Variants in ANKRD13B observed in about 807,000 individuals in gnomAD.
ANKRD13B encodes ankyrin repeat domain 13B.
A neutral mutation model predicts 74.4 loss-of-function variants in ANKRD13B; 33 were observed. That is an observed-to-expected ratio of 0.44 (90% CI 0.34 to 0.59). ANKRD13B has a LOEUF of 0.59. Ranked by LOEUF, ANKRD13B falls within the 20% of genes least tolerant of loss-of-function variation. The pLI is 0.02. For synonymous variants in ANKRD13B, 341 were observed against 362.9 expected (o/e 0.94, Z 0.68); for missense variants, 676 against 877.9 (o/e 0.77, Z 2.91).
chr17:29,613,425 G>A lies in ANKRD13B; in HGVS notation c.1724G>A (p.Gly575Glu). The A allele has an allele frequency of 1.3e-6, 2 of 1,528,372 alleles. No individual in the cohort carries two copies. Among genetic ancestry groups the A allele is most frequent in the African/African-American group, 1.4e-5 (1 of 70,484 alleles). 94.7% of individuals were successfully genotyped at this position (1,528,372 alleles called of 1,614,324 possible). Residue 575 changes from glycine to glutamate, a missense_variant, in exon 15 of 15, where the codon GGG (glycine) becomes GAG (glutamate). Physicochemically the swap from Gly to Glu is moderately conservative, Grantham distance 98 (BLOSUM62 -2). This residue lies in a region of ANKRD13B where 108 missense variants were observed against 90.3 expected (regional missense o/e 1.20). Transcript: ENST00000394859. ...ASVPSPRPSS[G>E]PGSGGHVFRS... ...GTGCCCAGCCCTCGGCCCAGCTCAGGGCCAGGTTCCGGCGGCCACGTGTTC... is the reference window on the plus strand; with the variant it reads ...GTGCCCAGCCCTCGGCCCAGCTCAGAGCCAGGTTCCGGCGGCCACGTGTTC...
At position 29,610,786 on chromosome 17, in the gene ANKRD13B, TG is replaced by T. The variant is rs1468147337; in HGVS notation, c.904+24del. Reference sequence around the variant, plus strand: ...TCAAAGGTAATGAGGCAGAGCTGGATGGGGAGAGGTGTTGCAGGACTGCGGG... The same window carrying T: ...TCAAAGGTAATGAGGCAGAGCTGGATGGGAGAGGTGTTGCAGGACTGCGGG... On this transcript the variant is annotated intron_variant, in intron 8 of 14. Transcript: ENST00000394859. The T allele has an allele frequency of 1.2e-6, 2 of 1,612,356 alleles. No individual in the cohort carries two copies. Among genetic ancestry groups the T allele is most frequent in the South Asian group, 2.2e-5 (2 of 90,806 alleles).
In ANKRD13B at chr17:29,613,551, G is replaced by A. The variant is rs780121647; in HGVS notation, c.1850G>A (p.Arg617His). 3.3e-6 allele frequency: 5 copies of A among 1,512,458 alleles called. No homozygotes were observed. The highest frequency in any genetic ancestry group is 2.1e-5 in the Admixed American group (1 of 48,280). 93.7% of individuals were successfully genotyped at this position (1,512,458 alleles called of 1,614,324 possible). Residue 617 changes from arginine to histidine, a missense_variant, in exon 15 of 15, where the codon CGC becomes CAC. Around this residue, in one of 4 missense-constraint regions of ANKRD13B, gnomAD observed 108 missense variants for 90.3 expected, o/e 1.20. Coordinates refer to ENST00000394859, the MANE Select transcript of ANKRD13B (RefSeq NM_152345.5). ...CGCCAGGAGGAGGAGGAGCTGGAGC[G>A]CATCCTGAGGCTCTCACTGACCGAG... ...RARQEEEELE[R>H]ILRLSLTEQ is the part of the protein sequence containing the mutation.
chr17:29,608,332 G>A lies in ANKRD13B; in HGVS notation c.421+92G>A, dbSNP rs542182466. The A allele has an allele frequency of 1.4e-5, 22 of 1,546,590 alleles. No homozygotes were observed. In the African/African-American group the frequency reaches 1.8e-4, roughly 12 times the overall value. On this transcript the variant is annotated intron_variant, in intron 4 of 14. Transcript: ENST00000394859. This position sits in a 1 kb window ranked among gnomAD's most constrained non-coding sequence, Gnocchi z 6.4. Reference sequence around the variant, plus strand: ...TGGAATGTGTTCTCATAGTTCTTCCGGCGGTTCCCTCTATGCCTTAGCTCA... The same window carrying A: ...TGGAATGTGTTCTCATAGTTCTTCCAGCGGTTCCCTCTATGCCTTAGCTCA...
chr17:29,603,818 T>G (rs2150886483), intron 1 of ANKRD13B, among the ~76,000 whole-genome samples: 1 of 152,160 alleles, frequency 6.6e-6, no homozygotes, highest in East Asian at 1.9e-4. Context: ...ATCTTTATCA[T>G]TTCTGAGTTT....
chr17:29,595,103 T>C (rs1474180165), intron 1 of ANKRD13B, among the ~76,000 whole-genome samples: 2 of 152,168 alleles, frequency 1.3e-5, no homozygotes, highest in African/African-American at 4.8e-5. Flanking sequence ...TCAGACCCTG[T>C]CTTTGTTTAT....
At chr17:29,595,819 G>A (rs763889908) in intron 1 of ANKRD13B, among the ~76,000 whole-genome samples, 1 of 152,108 alleles carries the variant, frequency 6.6e-6, no homozygotes, top group African/African-American at 2.4e-5. Flanking sequence ...TCCCTCAGGC[G>A]TGCCAAAAAG....
In ANKRD13B at chr17:29,596,537, C is replaced by T. The variant is rs186356389; in HGVS notation, c.114+2802C>T. ...GGGAAGGGTTAGCCTGTGCAGCTCC[C>T]GTGGGAGGGACATGTGTGGGCTGGG... On this transcript the variant is annotated intron_variant, in intron 1 of 14. Coordinates refer to ENST00000394859, the MANE Select transcript of ANKRD13B (RefSeq NM_152345.5). Among the ~76,000 whole-genome samples, 270 of 152,322 alleles carry T rather than the reference C, an allele frequency of 1.8e-3. 1 individual carries two copies. The highest frequency in any genetic ancestry group is 5.4e-3 in the African/African-American group (223 of 41,572).
Position 29,612,766 on chromosome 17 carries a change from A to G in ANKRD13B, c.1526A>G (p.Gln509Arg). ...CGGGACGACGACGACGACCTGCTGC[A>G]ATTCGCCATCCAGCAGAGCCTGCTT... is the stretch of plus-strand genomic sequence containing the variant. ...ATRDDDDDLL[Q>R]FAIQQSLLEA... The change falls in exon 13 of 15, where the codon CAA becomes CGA. Residue 509 changes from glutamine (Q) to arginine (R), a missense_variant. Physicochemically the swap from Gln to Arg is conservative, Grantham distance 43. Coordinates refer to ENST00000394859, the MANE Select transcript of ANKRD13B (RefSeq NM_152345.5). The surrounding 1 kb of genome is among the most constrained non-coding windows in gnomAD (Gnocchi z 6.1). 6.2e-7 allele frequency: 1 copy of G among 1,603,564 alleles called. No homozygotes were observed. Among genetic ancestry groups the G allele is most frequent in the South Asian group, 1.1e-5 (1 of 90,934 alleles).
chr17:29,612,671 G>A lies in ANKRD13B; in HGVS notation c.1431G>A (p.Glu477=). 1 of 1,567,906 alleles carries A rather than the reference G, an allele frequency of 6.4e-7. No homozygotes were observed. Among genetic ancestry groups the A allele is most frequent in the East Asian group, 2.3e-5 (1 of 43,934 alleles). ...SSSTTSCRGC[E]ISPALFEAPR... ...CCCCAGCCTCCTGCCGCGGCTGCGAGATCTCCCCAGCGTTGTTCGAGGCCC... is the reference window on the plus strand; with the variant it reads ...CCCCAGCCTCCTGCCGCGGCTGCGAAATCTCCCCAGCGTTGTTCGAGGCCC... Residue 477 remains glutamate, a synonymous_variant, in exon 13 of 15, where the codon GAG becomes GAA. Transcript: ENST00000394859. This position sits in a 1 kb window ranked among gnomAD's most constrained non-coding sequence, Gnocchi z 6.1.
intron 1 of ANKRD13B, among the ~76,000 whole-genome samples, chr17:29,595,571 G>C (rs1486312216): frequency 6.6e-6 from 1 of 152,094 alleles, no homozygotes; most frequent in African/African-American, 2.4e-5. Flanking sequence ...AGGTTGGGGT[G>C]GGGGGCACCG....
intron 1 of ANKRD13B, among the ~76,000 whole-genome samples, chr17:29,596,217 G>A (rs941615556): frequency 1.7e-4 from 26 of 152,376 alleles, no homozygotes; most frequent in African/African-American, 6.0e-4. Flanking sequence ...GGCCAGCATG[G>A]CCACCTTCAG....
Position 29,613,839 on chromosome 17 carries a change from C to A in ANKRD13B, c.*257C>A. The A allele has an allele frequency of 1.9e-6, 1 of 536,946 alleles. No homozygotes were observed. The highest frequency in any genetic ancestry group is 3.1e-6 in the Non-Finnish European group (1 of 322,932). 33.3% of individuals were successfully genotyped at this position (536,946 alleles called of 1,614,324 possible). On this transcript the variant is annotated 3_prime_UTR_variant, in exon 15 of 15. Coordinates refer to ENST00000394859, the MANE Select transcript of ANKRD13B (RefSeq NM_152345.5). ...TGTATTCTGATTCCCCAACCCGCTC[C>A]CCTGGGCTCAGATCTGTCCTGTCCT...
Position 29,593,661 on chromosome 17 carries a change from G to A in ANKRD13B, c.40G>A (p.Gly14Ser), listed in dbSNP as rs748170622. 1.3e-5 allele frequency: 19 copies of A among 1,429,060 alleles called. No homozygotes were observed. The highest frequency in any genetic ancestry group is 1.8e-5 in the Non-Finnish European group (19 of 1,080,356). The allele number at this position is 1,429,060 out of a possible 1,614,324, so 88.5% of individuals were successfully genotyped here. ...ANASARKGPE[G>S]KYPLHYLVWH... ...CGCCTCCGCCAGGAAGGGGCCCGAG[G>A]GCAAGTATCCGCTGCACTACCTCGT... Residue 14 changes from glycine (G) to serine (S), a missense_variant, in exon 1 of 15, where the codon GGC becomes AGC. Physicochemically the swap from Gly to Ser is moderately conservative, Grantham distance 56. Around this residue, in one of 4 missense-constraint regions of ANKRD13B, gnomAD observed 88 missense variants for 87.8 expected, o/e 1.00. Coordinates refer to ENST00000394859, the MANE Select transcript of ANKRD13B (RefSeq NM_152345.5).
rs1279361676 is a variant in ANKRD13B, at chr17:29,613,435, C to G, written c.1734C>G (p.Ser578=). The G allele has an allele frequency of 6.5e-7, 1 of 1,530,332 alleles. No individual in the cohort carries two copies. Among genetic ancestry groups the G allele is most frequent in the South Asian group, 1.2e-5 (1 of 81,868 alleles). 94.8% of individuals were successfully genotyped at this position (1,530,332 alleles called of 1,614,324 possible). ...CTCGGCCCAGCTCAGGGCCAGGTTC[C>G]GGCGGCCACGTGTTCCGGAGCTACG... ...PSPRPSSGPG[S]GGHVFRSYDE... is the part of the protein sequence containing the mutation. The change falls in exon 15 of 15, where the codon TCC becomes TCG. Residue 578 remains serine (S), a synonymous_variant. Transcript: ENST00000394859.
chr17:29,612,271 T>C lies in ANKRD13B; in HGVS notation c.1256T>C (p.Ile419Thr). The C allele has an allele frequency of 3.1e-6, 5 of 1,613,942 alleles. No individual in the cohort carries two copies. Among genetic ancestry groups the C allele is most frequent in the Non-Finnish European group, 4.2e-6 (5 of 1,179,972 alleles). Reference sequence around the variant, plus strand: ...CTGCCTCCTGGCTTCCCAGTTAAGATTGGTGAGACCGCACGGCCATTTCTC... The same window carrying C: ...CTGCCTCCTGGCTTCCCAGTTAAGACTGGTGAGACCGCACGGCCATTTCTC... ...LRLPPGFPVKIEIPIFHILNA... is the reference protein window; with the variant it reads ...LRLPPGFPVKTEIPIFHILNA... The change falls in exon 11 of 15, where the codon ATT (isoleucine) becomes ACT (threonine). Residue 419 changes from isoleucine to threonine, a missense_variant and splice_region_variant. Around this residue, in one of 4 missense-constraint regions of ANKRD13B, gnomAD observed 328 missense variants for 518.4 expected, o/e 0.63. Transcript: ENST00000394859. The surrounding 1 kb of genome is among the most constrained non-coding windows in gnomAD (Gnocchi z 6.1).
rs773523793 is a variant in ANKRD13B, at chr17:29,611,935, C to T, written c.1029C>T (p.Tyr343=). The T allele has an allele frequency of 2.4e-5, 38 of 1,614,182 alleles. No homozygotes were observed. The highest frequency in any genetic ancestry group is 3.3e-4 in the Middle Eastern group (2 of 6,062). Residue 343 remains tyrosine (Y), a synonymous_variant, in exon 10 of 15, where the codon TAC becomes TAT. Coordinates refer to ENST00000394859, the MANE Select transcript of ANKRD13B (RefSeq NM_152345.5). This position sits in a 1 kb window ranked among gnomAD's most constrained non-coding sequence, Gnocchi z 4.3. ...CCACTGCCATCACTGCAGAAGAATA[C>T]TTCAACCCCAACTTTGAGCTGGGCA... ...ANPTAITAEE[Y]FNPNFELGNR...
chr17:29,598,414 C>G (rs970166848), intron 1 of ANKRD13B, among the ~76,000 whole-genome samples: 1 of 152,156 alleles, frequency 6.6e-6, no homozygotes, highest in Non-Finnish European at 1.5e-5. Context: ...TCCCACCTCC[C>G]CAGCACTCTG....
In ANKRD13B at chr17:29,614,188, G is replaced by C. The variant is rs190570300; in HGVS notation, c.*606G>C. On this transcript the variant is annotated 3_prime_UTR_variant, in exon 15 of 15. Transcript: ENST00000394859. The stretch of plus-strand genomic sequence containing the variant: ...CGTCCTGGGTCTCAGGGTGGTTCCA[G>C]CTTCTCCTTGGGCAGCCAGAAGTTG... 6.7e-6 allele frequency: 1 copy of C among 149,918 alleles called. No individual in the cohort carries two copies. The highest frequency in any genetic ancestry group is 2.0e-4 in the East Asian group (1 of 5,082). 9.3% of individuals were successfully genotyped at this position (149,918 alleles called of 1,614,324 possible). A position where few individuals can be genotyped will look rare whatever the true frequency, so the allele number is the denominator to read the frequency against.
Position 29,608,181 on chromosome 17 carries a change from C to G in ANKRD13B, c.376-14C>G, listed in dbSNP as rs2034457063. 6.2e-7 allele frequency: 1 copy of G among 1,614,208 alleles called. No individual in the cohort carries two copies. The highest frequency in any genetic ancestry group is 1.3e-5 in the African/African-American group (1 of 75,062). On this transcript the variant is annotated splice_polypyrimidine_tract_variant and intron_variant, in intron 3 of 14. Coordinates refer to ENST00000394859, the MANE Select transcript of ANKRD13B (RefSeq NM_152345.5). The surrounding 1 kb of genome is among the most constrained non-coding windows in gnomAD (Gnocchi z 6.4). ...TCCAGTGCAGACTTAGCCTCTCTCC[C>G]CTTCGTCCTCCAGGCCCAGGACTTC... is the stretch of plus-strand genomic sequence containing the variant.
Sources: allele counts gnomAD v4.1 joint callset (sites outside exome capture counted in the v4.1 genomes callset), GRCh38; gene constraint gnomAD v4.1.1; regional missense constraint gnomAD v4.1.1; non-coding constraint Gnocchi (gnomAD v3.1); transcripts MANE v1.5; gene names NCBI Gene and HGNC (gene_info 2026-07-23, HGNC 2026-07-21).